The following OR1F1 variants were observed in gnomAD, a reference collection of about 807,000 sequenced individuals.
OR1F1 encodes olfactory receptor family 1 subfamily F member 1.
For missense variants in OR1F1, 493 were observed against 376.3 expected (o/e 1.31, Z -2.57); for synonymous variants, 184 against 156.7 (o/e 1.17, Z -1.30).
the OR1F1 span, among the ~76,000 whole-genome samples, chr16:3,194,009 G>A: frequency 6.6e-6 from 1 of 152,184 alleles, no homozygotes; most frequent in Non-Finnish European, 1.5e-5. Flanking sequence ...CCGACCGTAG[G>A]TGACTTGGGG....
downstream of OR1F1, among the ~76,000 whole-genome samples, chr16:3,205,640 A>C (rs1958199103): frequency 1.3e-5 from 2 of 152,200 alleles, no homozygotes; most frequent in African/African-American, 4.8e-5. Flanking sequence ...ATCGGTTCCC[A>C]AAATTAATAC....
At chr16:3,192,797 GCC>G in the OR1F1 span, among the ~76,000 whole-genome samples, 1 of 150,640 alleles carries the variant, frequency 6.6e-6, no homozygotes, top group African/African-American at 2.5e-5. Context: ...CTGGGGTGCG[GCC>G]CGGGAGGCTG....
chr16:3,203,874 C>T (rs961380049), upstream of OR1F1, among the ~76,000 whole-genome samples: 20 of 152,172 alleles, frequency 1.3e-4, no homozygotes, highest in Non-Finnish European at 1.0e-4. Flanking sequence ...GCCAGAAAAA[C>T]AGTCCTGAGC....
chr16:3,193,473 G>C, the OR1F1 span, among the ~76,000 whole-genome samples: 1 of 152,270 alleles, frequency 6.6e-6, no homozygotes, highest in African/African-American at 2.4e-5. Flanking sequence ...AACCACGCGG[G>C]AGAGGATAGC....
upstream of OR1F1, among the ~76,000 whole-genome samples, chr16:3,201,122 G>C (rs1958130500): frequency 6.6e-6 from 1 of 152,134 alleles, no homozygotes; most frequent in Admixed American, 6.6e-5. Context: ...ATGTCTCAGG[G>C]TTCATCCACA....
the OR1F1 span, among the ~76,000 whole-genome samples, chr16:3,196,200 C>CT: frequency 6.6e-6 from 1 of 152,184 alleles, no homozygotes; most frequent in African/African-American, 2.4e-5. Context: ...ATCTCAGGGT[C>CT]GTGGGTTTGA....
the OR1F1 span, among the ~76,000 whole-genome samples, chr16:3,191,654 T>G: frequency 2.6e-5 from 4 of 152,126 alleles, no homozygotes; most frequent in Non-Finnish European, 5.9e-5. Context: ...CATCGCGCTC[T>G]GTGATGGTAT....
the OR1F1 span, among the ~76,000 whole-genome samples, chr16:3,196,599 G>C: frequency 6.6e-6 from 1 of 151,930 alleles, no homozygotes; most frequent in African/African-American, 2.4e-5. Context: ...TGTTGCCCAG[G>C]CTGGTCTTGA....
At chr16:3,198,548 G>C in the OR1F1 span, among the ~76,000 whole-genome samples, 13 of 152,232 alleles carry the variant, frequency 8.5e-5, no homozygotes, top group South Asian at 1.0e-3. Flanking sequence ...AGCTCTCCTG[G>C]GCCTGGTCTA....
chr16:3,192,021 A>G, the OR1F1 span, among the ~76,000 whole-genome samples: 1 of 151,968 alleles, frequency 6.6e-6, no homozygotes, highest in African/African-American at 2.4e-5. Context: ...ATTCTCGCTT[A>G]GGATGCGAGA....
chr16:3,196,280 T>A, the OR1F1 span, among the ~76,000 whole-genome samples: 1 of 152,220 alleles, frequency 6.6e-6, no homozygotes, highest in Admixed American at 6.5e-5. Flanking sequence ...AGACATGGAG[T>A]ACTCTCAGGT....
upstream of OR1F1, among the ~76,000 whole-genome samples, chr16:3,203,550 G>T (rs1229557868): frequency 6.6e-6 from 1 of 152,192 alleles, no homozygotes; most frequent in Non-Finnish European, 1.5e-5. Context: ...CGGATCACGA[G>T]GTCAAGAGAT....
the OR1F1 span, among the ~76,000 whole-genome samples, chr16:3,189,137 G>T: frequency 6.6e-6 from 1 of 152,258 alleles, no homozygotes; most frequent in African/African-American, 2.4e-5. Context: ...ACCGGAGCCG[G>T]AGAAGCGTGA....
chr16:3,205,451 G>C (rs1172880194), downstream of OR1F1, among the ~76,000 whole-genome samples: 1 of 151,748 alleles, frequency 6.6e-6, no homozygotes, highest in Non-Finnish European at 1.5e-5. Context: ...GAGTAGCTGG[G>C]ACCACAGGTG....
exon 1 of OR1F1, chr16:3,204,841 A>G: frequency 6.2e-7 from 1 of 1,613,982 alleles, no homozygotes; most frequent in Non-Finnish European, 8.5e-7. Flanking sequence ...TGAGGTCATA[A>G]TCCTTAGTGA....
At chr16:3,195,934 G>A in the OR1F1 span, among the ~76,000 whole-genome samples, 1 of 152,190 alleles carries the variant, frequency 6.6e-6, no homozygotes, top group African/African-American at 2.4e-5. Flanking sequence ...GCCCCACCAG[G>A]TGGGTTTGGT....
At chr16:3,204,834 G>T (rs749328748) in exon 1 of OR1F1, 1 of 1,614,080 alleles carries the variant, frequency 6.2e-7, no homozygotes, top group Admixed American at 1.7e-5. Flanking sequence ...ACCTCAATGA[G>T]GTCATAATCC....
downstream of OR1F1, among the ~76,000 whole-genome samples, chr16:3,206,083 C>T (rs946623703): frequency 6.6e-6 from 1 of 152,122 alleles, no homozygotes; most frequent in Non-Finnish European, 1.5e-5. Flanking sequence ...TAATTAAGAC[C>T]TTGGGAGAGG....
At chr16:3,197,012 G>T in the OR1F1 span, among the ~76,000 whole-genome samples, 13 of 152,108 alleles carry the variant, frequency 8.5e-5, no homozygotes, top group African/African-American at 3.1e-4. Flanking sequence ...AAGTAGCTGG[G>T]ATTACAGGAG....
Sources: allele counts gnomAD v4.1 joint callset (sites outside exome capture counted in the v4.1 genomes callset), GRCh38; gene constraint gnomAD v4.1.1; transcripts MANE v1.5; gene names NCBI Gene and HGNC (gene_info 2026-07-23, HGNC 2026-07-21).